Variants in FANCB observed in about 807,000 individuals in gnomAD.
FANCB encodes the protein Fanconi anemia group B protein.
FANCB carries 5 observed loss-of-function variants against 38.9 expected under a neutral mutation model. The observed-to-expected ratio is 0.13, with a 90% CI of 0.07 to 0.27. The LOEUF (loss-of-function observed/expected upper bound fraction) is 0.27. Ranked by LOEUF, FANCB falls within the 10% of genes least tolerant of loss-of-function variation. The pLI, the probability that FANCB is intolerant of heterozygous loss-of-function variation, is 1.00. For synonymous variants in FANCB, 236 were observed against 215.4 expected (o/e 1.10, Z -0.84); for missense variants, 573 against 602.7 (o/e 0.95, Z 0.52).
At chrX:14,859,083 TA>T in intron 4 of FANCB, 98 bp downstream of exon 4, 1 of 527,463 alleles carries the variant, frequency 1.9e-6, no homozygotes, top group Non-Finnish European at 3.1e-6. Flanking sequence ...ATTTTAAGTA[TA>T]AAACCACCAA....
intron 3 of FANCB, among the ~76,000 whole-genome samples, chrX:14,861,295 T>C (rs1000265934): frequency 8.9e-6 from 1 of 112,271 alleles, no homozygotes; most frequent in Admixed American, 9.4e-5. Flanking sequence ...ATGTATTCCT[T>C]TAGATTCAGC....
chrX:14,723,484 A>G, the FANCB span, among the ~76,000 whole-genome samples: 1 of 112,287 alleles, frequency 8.9e-6, no homozygotes, highest in Admixed American at 9.4e-5. Flanking sequence ...CATGGCAACC[A>G]AAGTGATTTA....
At chrX:14,835,421 G>A (rs1446362872), downstream of FANCB, 6 of 337,407 alleles carry the variant, frequency 1.8e-5, no homozygotes, top group East Asian at 4.4e-4. Context: ...ACCTGGGCGG[G>A]TGATTCTTAT....
chrX:14,772,914 G>C, the FANCB span, among the ~76,000 whole-genome samples: 3 of 111,382 alleles, frequency 2.7e-5, no homozygotes, highest in Admixed American at 2.8e-4. Context: ...CCTTGGCTAG[G>C]GGTGGGAGTT....
At chrX:14,773,943 G>A in the FANCB span, among the ~76,000 whole-genome samples, 1 of 111,158 alleles carries the variant, frequency 9.0e-6, no homozygotes, top group Non-Finnish European at 1.9e-5. Flanking sequence ...CAGATACAAC[G>A]GTGTGGTGAG....
At chrX:14,805,516 A>G in the FANCB span, among the ~76,000 whole-genome samples, 4 of 111,226 alleles carry the variant, frequency 3.6e-5, no homozygotes, top group Admixed American at 9.6e-5. Flanking sequence ...AAACTGCTCA[A>G]GCCAGCTTCA....
At chrX:14,798,459 G>A in the FANCB span, among the ~76,000 whole-genome samples, 31 of 112,183 alleles carry the variant, frequency 2.8e-4, no homozygotes, top group African/African-American at 9.7e-4. Context: ...ACCGTGCCCA[G>A]CCTTCAAAAT....
chrX:14,842,147 T>C (rs985971332), downstream of FANCB, among the ~76,000 whole-genome samples: 4 of 112,148 alleles, frequency 3.6e-5, no homozygotes, highest in African/African-American at 1.3e-4. Flanking sequence ...CTGAATTTAT[T>C]CCATTTCCAT....
the FANCB span, among the ~76,000 whole-genome samples, chrX:14,753,521 C>T: frequency 2.7e-5 from 3 of 111,987 alleles, no homozygotes; most frequent in Admixed American, 9.5e-5. Flanking sequence ...CAGCTAGATG[C>T]TTCTTCTGGT....
intron 10 of FANCB, among the ~76,000 whole-genome samples, chrX:14,836,832 G>T (rs2092342471): frequency 8.9e-6 from 1 of 111,897 alleles, no homozygotes; most frequent in African/African-American, 3.3e-5. Flanking sequence ...GCTCTCAGAG[G>T]ATATCCCTAC....
In FANCB at chrX:14,843,768, T is replaced by C. The variant is rs1374912480; in HGVS notation, c.2379A>G (p.Gly793=). 3.3e-6 allele frequency: 4 copies of C among 1,209,592 alleles called. No individual in the cohort carries two copies. Among genetic ancestry groups the C allele is most frequent in the Middle Eastern group, 2.3e-4 (1 of 4,374 alleles). The change falls in exon 10 of 10, where the codon GGA becomes GGG. Residue 793 remains glycine, a synonymous_variant. Coordinates refer to ENST00000650831, the MANE Select transcript of FANCB (RefSeq NM_001018113.3). ...AAGCAGCCGCGACGACACTACTCTTTCCTTTGCTCACTTCACACCTCTGCA... is the reference window on the plus strand; with the variant it reads ...AAGCAGCCGCGACGACACTACTCTTCCCTTTGCTCACTTCACACCTCTGCA... ...NFMQRCEVSK[G]KSSVVAAALS...
At chrX:14,761,218 A>G in the FANCB span, among the ~76,000 whole-genome samples, 31 of 110,925 alleles carry the variant, frequency 2.8e-4, no homozygotes, top group Non-Finnish European at 5.1e-4. Context: ...GCCCAGGCTG[A>G]TCTCAAATTC....
chrX:14,799,492 T>C, the FANCB span, among the ~76,000 whole-genome samples: 8 of 112,026 alleles, frequency 7.1e-5, no homozygotes, highest in South Asian at 3.0e-3. Context: ...GATCTTGGTA[T>C]TGGGAAGTGA....
At chrX:14,801,246 A>C in the FANCB span, among the ~76,000 whole-genome samples, 1 of 112,076 alleles carries the variant, frequency 8.9e-6, no homozygotes, top group East Asian at 2.8e-4. Context: ...CTCTTGGAAG[A>C]GTCAGGATTT....
Position 14,853,149 on chromosome X carries a change from G to A in FANCB, c.1216C>T (p.Arg406Trp), listed in dbSNP as rs1364046604. The change falls in exon 6 of 10, where the codon CGG becomes TGG. Residue 406 changes from arginine (R) to tryptophan (W), a missense_variant. Physicochemically the swap from Arg to Trp is moderately radical, Grantham distance 101 (BLOSUM62 -3). Transcript: ENST00000650831. ...AGCAACAGATGCTGCCGTAATTCCC[G>A]AAAAGAAGAAAAACAAACCTGTAAA... ...TGLKVCFSSF[R>W]ELRQHLLLKE... is the part of the protein sequence containing the mutation. 12 of 1,203,350 alleles carry A rather than the reference G, an allele frequency of 1.0e-5. No homozygotes were observed. The Middle Eastern group carries it at 7.0e-4, about 70-fold the overall frequency.
At chrX:14,704,425 T>C in the FANCB span, among the ~76,000 whole-genome samples, 1 of 112,464 alleles carries the variant, frequency 8.9e-6, no homozygotes, top group Non-Finnish European at 1.9e-5. Context: ...ACTTGAGCTG[T>C]AGTTATTTCA....
the FANCB span, among the ~76,000 whole-genome samples, chrX:14,749,843 T>C: frequency 8.9e-6 from 1 of 112,095 alleles, no homozygotes; most frequent in Non-Finnish European, 1.9e-5. Flanking sequence ...AATAGCTGCC[T>C]GTCCTATGTC....
At chrX:14,720,153 T>C in the FANCB span, among the ~76,000 whole-genome samples, 1 of 111,382 alleles carries the variant, frequency 9.0e-6, no homozygotes, top group African/African-American at 3.3e-5. Flanking sequence ...TAATTTATTG[T>C]ATTTTTTTCA....
At chrX:14,796,170 A>G in the FANCB span, among the ~76,000 whole-genome samples, 1 of 110,610 alleles carries the variant, frequency 9.0e-6, no homozygotes, top group Non-Finnish European at 1.9e-5. Flanking sequence ...TGTCTCACAT[A>G]CTTTCTGTGG....
Sources: gnomAD v4.1 joint callset for allele counts (sites outside exome capture counted in the v4.1 genomes callset) on GRCh38, gnomAD v4.1.1 for gene constraint, MANE v1.5 for transcripts, NCBI Gene and HGNC (gene_info 2026-07-23, HGNC 2026-07-21) for gene names.